The following FAM163A variants were observed in gnomAD, a reference collection of about 807,000 sequenced individuals.
The protein encoded by FAM163A is family with sequence similarity 163 member A.
In FAM163A, 7 loss-of-function variants were observed where a neutral mutation model predicts 12.0. That is an observed-to-expected ratio of 0.58 (90% CI 0.33 to 1.10). The LOEUF (loss-of-function observed/expected upper bound fraction) is 1.10. Ranked by LOEUF, FAM163A falls within the 50% of genes least tolerant of loss-of-function variation. FAM163A has a pLI of 0.03. For missense variants in FAM163A, 202 were observed against 218.6 expected (o/e 0.92, Z 0.48); for synonymous variants, 101 against 91.0 (o/e 1.11, Z -0.62).
intron 1 of FAM163A, among the ~76,000 whole-genome samples, chr1:179,746,407 A>T (rs868731261): frequency 6.6e-6 from 1 of 152,208 alleles, no homozygotes; most frequent in East Asian, 1.9e-4. Context: ...ATAGCGTCCT[A>T]TTCATTCATG....
rs199630296 is a variant in FAM163A at position 179,814,186 on chromosome 1, G to A, written c.501G>A (p.Val167=). ...FTNPRAISTD[V] is the part of the protein sequence containing the mutation. ...ATCCAAGGGCTATTAGTACAGACGT[G>A]TAAATCCTTCCACCCCGACCCGCAC... The change falls in exon 5 of 5, where the codon GTG becomes GTA. Residue 167 remains valine, a synonymous_variant. Coordinates refer to ENST00000341785, the MANE Select transcript of FAM163A (RefSeq NM_173509.3). 6 of 1,607,594 alleles carry A rather than the reference G, an allele frequency of 3.7e-6. No individual in the cohort carries two copies. Among genetic ancestry groups the A allele is most frequent in the Admixed American group, 1.7e-5 (1 of 59,208 alleles).
intron 1 of FAM163A, among the ~76,000 whole-genome samples, chr1:179,783,202 A>C (rs1035452631): frequency 6.6e-6 from 1 of 152,194 alleles, no homozygotes; most frequent in Non-Finnish European, 1.5e-5. Flanking sequence ...TACAGACAGC[A>C]TAGTCTCAAC....
chr1:179,789,620 G>A (rs981375903), intron 1 of FAM163A, among the ~76,000 whole-genome samples: 1 of 152,206 alleles, frequency 6.6e-6, no homozygotes, highest in African/African-American at 2.4e-5. Context: ...TAAAAGAGAA[G>A]GGTGGAGAAT....
intron 1 of FAM163A, among the ~76,000 whole-genome samples, chr1:179,759,593 G>A (rs1294071984): frequency 6.6e-6 from 1 of 152,140 alleles, no homozygotes; most frequent in African/African-American, 2.4e-5. Flanking sequence ...AACAGAAAGA[G>A]GGCTCATAGG....
chr1:179,778,670 C>A (rs1053683383), intron 1 of FAM163A, among the ~76,000 whole-genome samples: 2 of 151,986 alleles, frequency 1.3e-5, no homozygotes, highest in African/African-American at 4.8e-5. Context: ...GGCTTATAGG[C>A]AGGTGTGGGG....
rs146748326 is a variant in FAM163A, at chr1:179,803,389, C to T, written c.-135-4409C>T. Reference sequence around the variant, plus strand: ...GCCAGCATTCATCCAGGCAGTGAGGCGAGGTGACCCTGTTTCAGTGAGGCT... The same window carrying T: ...GCCAGCATTCATCCAGGCAGTGAGGTGAGGTGACCCTGTTTCAGTGAGGCT... On this transcript the variant is annotated intron_variant, in intron 1 of 4. Coordinates refer to ENST00000341785, the MANE Select transcript of FAM163A (RefSeq NM_173509.3). Among the ~76,000 whole-genome samples the T allele has an allele frequency of 5.7e-3, 873 of 152,174 alleles. 8 individuals are homozygous for T. The highest frequency in any genetic ancestry group is 0.012 in the South Asian group (60 of 4,818).
chr1:179,764,059 A>G (rs1202212069), intron 1 of FAM163A, among the ~76,000 whole-genome samples: 1 of 152,082 alleles, frequency 6.6e-6, no homozygotes, highest in Non-Finnish European at 1.5e-5. Context: ...AATCATAACA[A>G]CTCTCAGGTG....
rs1695105127 is a variant in FAM163A at position 179,814,261 on chromosome 1, C to T, written c.*72C>T. ...GGGGGCCATGGGGGTGATGAATGACCCTCCAACAGCCCCACATGGGTTGTT... is the reference window on the plus strand; with the variant it reads ...GGGGGCCATGGGGGTGATGAATGACTCTCCAACAGCCCCACATGGGTTGTT... On this transcript the variant is annotated 3_prime_UTR_variant, in exon 5 of 5. Transcript: ENST00000341785. 2.0e-6 allele frequency: 3 copies of T among 1,500,948 alleles called. No homozygotes were observed. Among genetic ancestry groups the T allele is most frequent in the African/African-American group, 2.8e-5 (2 of 71,516 alleles). The allele number at this position is 1,500,948 out of a possible 1,614,324, so 93.0% of individuals were successfully genotyped here. A position where few individuals can be genotyped will look rare whatever the true frequency, so the allele number is the denominator to read the frequency against.
At chr1:179,813,230 C>T in intron 4 of FAM163A, 40 bp downstream of exon 4, 2 of 1,532,800 alleles carry the variant, frequency 1.3e-6, no homozygotes, top group Non-Finnish European at 1.8e-6. Flanking sequence ...TGCCAGGCCA[C>T]CAGCAAACCT....
At chr1:179,781,598 C>T (rs1397782856) in intron 1 of FAM163A, among the ~76,000 whole-genome samples, 1 of 152,072 alleles carries the variant, frequency 6.6e-6, no homozygotes, top group African/African-American at 2.4e-5. Context: ...TGAGAGACTC[C>T]GCTGGGATTG....
chr1:179,795,488 G>A (rs1571522517), intron 1 of FAM163A, among the ~76,000 whole-genome samples: 1 of 152,204 alleles, frequency 6.6e-6, no homozygotes, highest in African/African-American at 2.4e-5. Context: ...AAATTGGCCT[G>A]CATTTTCACT....
At chr1:179,790,724 TACTC>T (rs1238500050) in intron 1 of FAM163A, among the ~76,000 whole-genome samples, 2 of 152,134 alleles carry the variant, frequency 1.3e-5, no homozygotes, top group African/African-American at 2.4e-5. Context: ...CAGTTGAAGA[TACTC>T]ACTCCACAAA....
At chr1:179,750,053 A>T (rs1685052979) in intron 1 of FAM163A, among the ~76,000 whole-genome samples, 1 of 152,200 alleles carries the variant, frequency 6.6e-6, no homozygotes, top group Non-Finnish European at 1.5e-5. Context: ...CAGCTGGTAG[A>T]ACACCAGGGC....
chr1:179,767,621 T>TC (rs1199782203), intron 1 of FAM163A, among the ~76,000 whole-genome samples: 6 of 151,980 alleles, frequency 3.9e-5, no homozygotes, highest in Admixed American at 2.0e-4. Flanking sequence ...AAAACCCCTG[T>TC]CCCCCACTCC....
chr1:179,745,729 C>A (rs775587727), intron 1 of FAM163A, among the ~76,000 whole-genome samples: 1 of 152,148 alleles, frequency 6.6e-6, no homozygotes, highest in Non-Finnish European at 1.5e-5. Context: ...TATTATTTCC[C>A]CATTTTTCGT....
intron 1 of FAM163A, among the ~76,000 whole-genome samples, chr1:179,764,560 C>A (rs886944046): frequency 6.6e-6 from 1 of 152,144 alleles, no homozygotes; most frequent in Non-Finnish European, 1.5e-5. Context: ...ATAGGGTAAT[C>A]AACTTGTCAA....
chr1:179,811,291 GA>G (rs1348103790), intron 2 of FAM163A, among the ~76,000 whole-genome samples: 4 of 152,164 alleles, frequency 2.6e-5, no homozygotes, highest in Non-Finnish European at 5.9e-5. Flanking sequence ...AGGGTACTCA[GA>G]GACAAAACTG....
intron 1 of FAM163A, among the ~76,000 whole-genome samples, chr1:179,799,908 G>T (rs942744775): frequency 6.6e-6 from 1 of 152,244 alleles, no homozygotes; most frequent in African/African-American, 2.4e-5. Flanking sequence ...CTCAGGAAGA[G>T]AGGCCTGGAA....
At chr1:179,751,410 G>A (rs1685254966) in intron 1 of FAM163A, among the ~76,000 whole-genome samples, 1 of 152,166 alleles carries the variant, frequency 6.6e-6, no homozygotes, top group Non-Finnish European at 1.5e-5. Context: ...AAGCATAGGT[G>A]CTGCTGAGGA....
Sources: gnomAD v4.1 joint callset for allele counts (sites outside exome capture counted in the v4.1 genomes callset) on GRCh38, gnomAD v4.1.1 for gene constraint, MANE v1.5 for transcripts, NCBI Gene and HGNC (gene_info 2026-07-23, HGNC 2026-07-21) for gene names.